Variants in SLC24A2 observed in about 807,000 individuals in gnomAD.
The protein encoded by SLC24A2 is sodium/potassium/calcium exchanger 2.
In SLC24A2, 36 loss-of-function variants were observed where a neutral mutation model predicts 62.0. The ratio of observed to expected loss-of-function variants is 0.58; its 90% CI spans 0.44 to 0.77. SLC24A2 has a LOEUF of 0.77. SLC24A2 is among the 30% of genes least tolerant of loss of function. The probability of loss-of-function intolerance (pLI) is 0.00; values close to 1 mark genes in which losing one functional copy is unlikely to be tolerated. For synonymous variants in SLC24A2, 358 were observed against 294.0 expected (o/e 1.22, Z -2.23); for missense variants, 846 against 817.9 (o/e 1.03, Z -0.42).
the SLC24A2 span, among the ~76,000 whole-genome samples, chr9:19,934,827 C>A: frequency 6.6e-5 from 10 of 151,908 alleles, no homozygotes; most frequent in African/African-American, 2.4e-4. The surrounding 1 kb of genome is among the most constrained non-coding windows in gnomAD (Gnocchi z 4.1). Context: ...CGTGGCGAGT[C>A]CGTTTCTGTC....
the SLC24A2 span, among the ~76,000 whole-genome samples, chr9:20,266,363 T>C: frequency 6.6e-6 from 1 of 152,248 alleles, no homozygotes; most frequent in East Asian, 1.9e-4. Context: ...TTAGTGAAAA[T>C]AGAAAAGAAC....
chr9:19,728,302 G>GAAA (rs561269789), intron 2 of SLC24A2, among the ~76,000 whole-genome samples: 3 of 119,408 alleles, frequency 2.5e-5, no homozygotes, highest in Non-Finnish European at 1.8e-5. Flanking sequence ...ATTAGTGACA[G>GAAA]AAAAAAAAAA....
the SLC24A2 span, among the ~76,000 whole-genome samples, chr9:19,872,866 A>G: frequency 2.0e-5 from 3 of 152,142 alleles, no homozygotes; most frequent in South Asian, 2.1e-4. Context: ...GTCAGAGAAG[A>G]ATCAAGTTTC....
At chr9:20,185,864 A>C in the SLC24A2 span, among the ~76,000 whole-genome samples, 1 of 151,972 alleles carries the variant, frequency 6.6e-6, no homozygotes, top group East Asian at 1.9e-4. Context: ...CTTAATTGGA[A>C]AAGCAGACAC....
intron 2 of SLC24A2, among the ~76,000 whole-genome samples, chr9:19,714,137 TACA>T (rs1268186222): frequency 3.3e-5 from 5 of 152,244 alleles, no homozygotes; most frequent in Non-Finnish European, 5.9e-5. Context: ...AAAGTCTTTC[TACA>T]ACAACACACA....
At chr9:19,894,120 A>G in the SLC24A2 span, among the ~76,000 whole-genome samples, 2 of 152,202 alleles carry the variant, frequency 1.3e-5, no homozygotes, top group African/African-American at 2.4e-5. Context: ...TTTGAGGAAG[A>G]AGGGGAAAAG....
At chr9:20,055,597 G>C in the SLC24A2 span, among the ~76,000 whole-genome samples, 1 of 151,810 alleles carries the variant, frequency 6.6e-6, no homozygotes, top group Admixed American at 6.6e-5. Flanking sequence ...TTTGAACTTA[G>C]ACATACCAGG....
At chr9:19,579,398 CA>C (rs1836135482) in intron 5 of SLC24A2, among the ~76,000 whole-genome samples, 1 of 152,154 alleles carries the variant, frequency 6.6e-6, no homozygotes, top group African/African-American at 2.4e-5. Context: ...CTGCAGTCCT[CA>C]GCCTAAAGAG....
At chr9:19,590,061 T>G (rs200018964) in intron 5 of SLC24A2, among the ~76,000 whole-genome samples, 1 of 152,156 alleles carries the variant, frequency 6.6e-6, no homozygotes, top group Admixed American at 6.5e-5. Context: ...CCTGACCAGC[T>G]AGACTTAAGA....
chr9:19,547,143 G>T (rs564973155), intron 8 of SLC24A2, among the ~76,000 whole-genome samples: 2 of 152,084 alleles, frequency 1.3e-5, no homozygotes, highest in African/African-American at 2.4e-5. Context: ...CACATAATAG[G>T]TGCTCAATAA....
At chr9:19,562,591 C>G (rs529624905) in intron 7 of SLC24A2, among the ~76,000 whole-genome samples, 2 of 152,238 alleles carry the variant, frequency 1.3e-5, no homozygotes, top group East Asian at 3.9e-4. Flanking sequence ...TTCAGGTCAT[C>G]ACATACAGGA....
chr9:19,887,317 A>T, the SLC24A2 span, among the ~76,000 whole-genome samples: 1 of 152,118 alleles, frequency 6.6e-6, no homozygotes, highest in Non-Finnish European at 1.5e-5. Flanking sequence ...CCTTTGTTGG[A>T]TGCATAATTT....
the SLC24A2 span, among the ~76,000 whole-genome samples, chr9:20,057,955 T>C: frequency 2.0e-5 from 3 of 152,204 alleles, no homozygotes; most frequent in Non-Finnish European, 2.9e-5. Context: ...TTATTTTCCA[T>C]TGGATTTTGT....
At chr9:19,891,847 G>C in the SLC24A2 span, among the ~76,000 whole-genome samples, 1 of 152,186 alleles carries the variant, frequency 6.6e-6, no homozygotes, top group Non-Finnish European at 1.5e-5. Context: ...ACTAAACCAT[G>C]CATGAGAGAT....
intron 9 of SLC24A2, among the ~76,000 whole-genome samples, chr9:19,525,779 T>G (rs575064119): frequency 1.1e-3 from 161 of 151,314 alleles, no homozygotes; most frequent in Non-Finnish European, 1.8e-3. Context: ...TTTTTTTTTT[T>G]TTTTTTTTTA....
Position 19,526,005 on chromosome 9 carries a change from C to T in SLC24A2, c.1569+2044G>A, listed in dbSNP as rs574024967. Among the ~76,000 whole-genome samples, 135 of 152,204 alleles carry T rather than the reference C, an allele frequency of 8.9e-4. 2 individuals carry two copies. The South Asian group carries it at 0.016, about 18-fold the overall frequency. On this transcript the variant is annotated intron_variant, in intron 9 of 10. Transcript: ENST00000341998. ...CCCACTGGCAGTCACTCCCCATTTT[C>T]CCCCAACCTCTCCAATCCTAGGCAA...
At chr9:19,659,656 A>G (rs1819039456) in intron 2 of SLC24A2, among the ~76,000 whole-genome samples, 1 of 152,164 alleles carries the variant, frequency 6.6e-6, no homozygotes, top group African/African-American at 2.4e-5. Flanking sequence ...TAACCTGACG[A>G]CTAGGGCTGC....
chr9:19,558,115 A>G (rs1835188365), intron 7 of SLC24A2, among the ~76,000 whole-genome samples: 1 of 152,096 alleles, frequency 6.6e-6, no homozygotes. Flanking sequence ...ACATTTCCTT[A>G]AAAAGCTGAT....
At chr9:20,013,910 T>A in the SLC24A2 span, among the ~76,000 whole-genome samples, 1 of 152,144 alleles carries the variant, frequency 6.6e-6, no homozygotes, top group Admixed American at 6.5e-5. Context: ...ATGGTGTTTA[T>A]CAAAAAGATA....
Sources: gnomAD v4.1 joint callset for allele counts (sites outside exome capture counted in the v4.1 genomes callset) on GRCh38, gnomAD v4.1.1 for gene constraint, Gnocchi (gnomAD v3.1) non-coding constraint, MANE v1.5 for transcripts, NCBI Gene and HGNC (gene_info 2026-07-23, HGNC 2026-07-21) for gene names.